The following GBE1 variants were observed in gnomAD, a reference collection of about 807,000 sequenced individuals.
The protein encoded by GBE1 is 1,4-alpha-glucan branching enzyme 1, also known as 1,4-alpha-glucan-branching enzyme.
Under a neutral mutation model 88.8 loss-of-function variants are expected in GBE1, and 70 were observed. That is an observed-to-expected ratio of 0.79 (90% confidence interval 0.65 to 0.96). The LOEUF is 0.96. GBE1 is among the 40% of genes least tolerant of loss of function. The pLI is 0.00. For missense variants in GBE1, 872 were observed against 871.0 expected, an observed-to-expected ratio of 1.00 and a Z score of -0.01; for synonymous variants, 284 against 300.1, an observed-to-expected ratio of 0.95 and a Z score of 0.56.
intron 14 of GBE1, among the ~76,000 whole-genome samples, chr3:81,503,901 T>C (rs1305053772): frequency 1.3e-5 from 2 of 152,114 alleles, no homozygotes; most frequent in Non-Finnish European, 2.9e-5. Flanking sequence ...ACCATACATA[T>C]AGGAAGCATG....
chr3:81,519,302 C>G (rs1702841445), intron 14 of GBE1, among the ~76,000 whole-genome samples: 2 of 151,494 alleles, frequency 1.3e-5, no homozygotes, highest in African/African-American at 4.8e-5. Flanking sequence ...TATCTCAGGT[C>G]AAATTCAACT....
intron 7 of GBE1, among the ~76,000 whole-genome samples, chr3:81,628,742 CATATATATATATATATATATATATAT>C (rs71108330): frequency 0.032 from 2,084 of 65,440 alleles, 154 homozygotes; most frequent in African/African-American, 0.12. Context: ...AGAACAATTG[CATATATATATATATATATATATATAT>C]ATATATATAT....
chr3:81,514,371 AT>A (rs749903048), intron 14 of GBE1, among the ~76,000 whole-genome samples: 3 of 151,676 alleles, frequency 2.0e-5, no homozygotes, highest in Non-Finnish European at 4.4e-5. Context: ...TAATTAAATA[AT>A]TTTATTTGAT....
intron 1 of GBE1, among the ~76,000 whole-genome samples, chr3:81,746,194 C>T (rs577896277): frequency 9.2e-5 from 14 of 152,200 alleles, no homozygotes; most frequent in Non-Finnish European, 1.5e-4. Context: ...TAAAGGCAAT[C>T]GTTTTCATAA....
chr3:81,677,805 T>C (rs1005599889), intron 2 of GBE1, among the ~76,000 whole-genome samples: 2 of 152,142 alleles, frequency 1.3e-5, no homozygotes, highest in African/African-American at 4.8e-5. Context: ...AGTAAGACAC[T>C]TCCCCTCCCT....
intron 1 of GBE1, among the ~76,000 whole-genome samples, chr3:81,751,372 A>G (rs534894769): frequency 6.6e-6 from 1 of 152,338 alleles, no homozygotes; most frequent in South Asian, 2.1e-4. Context: ...TGGATGAGAC[A>G]AAAGGATACA....
chr3:81,659,299 G>GA (rs1021570255), intron 3 of GBE1, among the ~76,000 whole-genome samples: 2 of 151,554 alleles, frequency 1.3e-5, no homozygotes, highest in Non-Finnish European at 2.9e-5. Context: ...ATCATTTGAA[G>GA]AAAAAAATAT....
intron 1 of GBE1, among the ~76,000 whole-genome samples, chr3:81,726,683 G>A (rs996140576): frequency 6.6e-6 from 1 of 151,154 alleles, no homozygotes; most frequent in Non-Finnish European, 1.5e-5. Flanking sequence ...CCAGGTTCAA[G>A]CTATTCTCCT....
At chr3:81,666,582 A>G (rs936529412) in intron 3 of GBE1, among the ~76,000 whole-genome samples, 1 of 152,212 alleles carries the variant, frequency 6.6e-6, no homozygotes, top group Non-Finnish European at 1.5e-5. Context: ...ATTTCAAAGG[A>G]AAATCTATTC....
chr3:81,630,194 G>C (rs569394420), intron 7 of GBE1, among the ~76,000 whole-genome samples: 7 of 152,140 alleles, frequency 4.6e-5, no homozygotes, highest in Non-Finnish European at 1.0e-4. Context: ...AAAATACCTA[G>C]GAATCCAACT....
rs985106470 is a variant in GBE1 at position 81,535,055 on chromosome 3, T to C, written c.1934+140A>G. On this transcript the variant is annotated intron_variant, in intron 14 of 15. Coordinates refer to ENST00000429644, the MANE Select transcript of GBE1 (RefSeq NM_000158.4). ...AGCAAAGATTTATCCATCAACTATT[T>C]TAAGTTCCTCATTTTTCAGATGAGG... The C allele has an allele frequency of 2.6e-5, 20 of 767,934 alleles. No homozygotes were observed. The Admixed American group carries it at 6.2e-4, about 24-fold the overall frequency. 47.6% of individuals were successfully genotyped at this position (767,934 alleles called of 1,614,324 possible).
At chr3:81,761,330 G>A (rs748147825) in intron 1 of GBE1, 45 bp downstream of exon 1, 12 of 1,571,104 alleles carry the variant, frequency 7.6e-6, no homozygotes, top group Middle Eastern at 3.6e-4. Context: ...GCTCCTGGGA[G>A]GCGGGCTGCC....
chr3:81,559,463 T>C (rs1240685218), intron 12 of GBE1, among the ~76,000 whole-genome samples: 1 of 151,746 alleles, frequency 6.6e-6, no homozygotes, highest in Middle Eastern at 3.4e-3. Context: ...TTCAGCCATT[T>C]TTTTTCCAAA....
intron 7 of GBE1, among the ~76,000 whole-genome samples, chr3:81,617,664 T>C (rs1704267020): frequency 6.6e-6 from 1 of 151,932 alleles, no homozygotes; most frequent in South Asian, 2.1e-4. Context: ...CGAGGAATAT[T>C]GACCCGTAGT....
chr3:81,551,892 C>A (rs1012208667), intron 12 of GBE1, among the ~76,000 whole-genome samples: 1 of 152,120 alleles, frequency 6.6e-6, no homozygotes, highest in Admixed American at 6.5e-5. Flanking sequence ...GACAAATATC[C>A]ATACCCCCAA....
At chr3:81,519,313 A>C (rs1010787654) in intron 14 of GBE1, among the ~76,000 whole-genome samples, 1 of 151,510 alleles carries the variant, frequency 6.6e-6, no homozygotes, top group Non-Finnish European at 1.5e-5. Context: ...AAATTCAACT[A>C]TTTATACCTC....
intron 5 of GBE1, 86 bp from the exon 6 acceptor site, chr3:81,646,568 C>A (rs1704767043): frequency 8.2e-6 from 6 of 730,786 alleles, no homozygotes; most frequent in Non-Finnish European, 1.4e-5. Flanking sequence ...ATTCCAAATA[C>A]ATTAAAATTT....
intron 11 of GBE1, 61 bp downstream of exon 11, chr3:81,581,104 G>C: frequency 3.3e-6 from 3 of 916,910 alleles, no homozygotes; most frequent in Non-Finnish European, 5.2e-6. Context: ...TGTTATTAAG[G>C]AGAGGGAAGG....
intron 1 of GBE1, among the ~76,000 whole-genome samples, chr3:81,739,544 G>A (rs371839906): frequency 6.6e-6 from 1 of 152,216 alleles, no homozygotes; most frequent in East Asian, 1.9e-4. Flanking sequence ...ATATTGCCTG[G>A]CAAATATTGA....
Sources: gnomAD v4.1 joint callset for allele counts (sites outside exome capture counted in the v4.1 genomes callset) on GRCh38, gnomAD v4.1.1 for gene constraint, MANE v1.5 for transcripts, NCBI Gene and HGNC (gene_info 2026-07-23, HGNC 2026-07-21) for gene names.